Variants in RNGTT observed in about 807,000 individuals in gnomAD.
RNGTT encodes the protein RNA guanylyltransferase and 5'-phosphatase, also known as mRNA-capping enzyme.
A neutral mutation model predicts 79.3 loss-of-function variants in RNGTT; 33 were observed. The ratio of observed to expected loss-of-function variants is 0.42; its 90% CI spans 0.32 to 0.56. The LOEUF is 0.56. RNGTT is among the 20% of genes least tolerant of loss of function. RNGTT has a pLI of 0.17. For synonymous variants in RNGTT, 222 were observed against 235.9 expected (o/e 0.94, Z 0.54); for missense variants, 497 against 739.1 (o/e 0.67, Z 3.80).
chr6:88,769,451 C>G (rs756066002), intron 13 of RNGTT, among the ~76,000 whole-genome samples: 1 of 151,964 alleles, frequency 6.6e-6, no homozygotes, highest in South Asian at 2.1e-4. Flanking sequence ...TGAGCCACCA[C>G]GCCCAGCCAA....
intron 12 of RNGTT, among the ~76,000 whole-genome samples, chr6:88,801,356 G>A (rs566786594): frequency 6.6e-6 from 1 of 152,222 alleles, no homozygotes; most frequent in Non-Finnish European, 1.5e-5. Flanking sequence ...ACAGATGGGT[G>A]CTCATTTTAG....
At chr6:88,764,383 C>T (rs905150022) in intron 13 of RNGTT, among the ~76,000 whole-genome samples, 1 of 152,134 alleles carries the variant, frequency 6.6e-6, no homozygotes, top group African/African-American at 2.4e-5. Context: ...CTGAGTTCAA[C>T]CTCAAAGCTC....
intron 8 of RNGTT, among the ~76,000 whole-genome samples, chr6:88,884,725 C>T (rs968813640): frequency 6.6e-6 from 1 of 151,212 alleles, no homozygotes; most frequent in Admixed American, 6.6e-5. Context: ...CAAATGAAAA[C>T]TATCTACACT....
intron 14 of RNGTT, among the ~76,000 whole-genome samples, chr6:88,662,504 C>T (rs1022639843): frequency 7.9e-5 from 12 of 152,220 alleles, no homozygotes; most frequent in Admixed American, 2.0e-4. Context: ...TCATGAGATG[C>T]GAGTCTACCA....
chr6:88,760,338 C>A (rs1405364479), intron 13 of RNGTT, among the ~76,000 whole-genome samples: 1 of 152,146 alleles, frequency 6.6e-6, no homozygotes, highest in Non-Finnish European at 1.5e-5. Context: ...GGCAAAGGAA[C>A]TGAAAAGAGT....
At chr6:88,711,198 G>C (rs1413830981) in intron 13 of RNGTT, among the ~76,000 whole-genome samples, 1 of 152,056 alleles carries the variant, frequency 6.6e-6, no homozygotes, top group Non-Finnish European at 1.5e-5. Context: ...TTTCAATAAT[G>C]ATCTGTCAAC....
chr6:88,639,866 C>A (rs866380958), intron 14 of RNGTT, among the ~76,000 whole-genome samples: 6 of 152,262 alleles, frequency 3.9e-5, no homozygotes, highest in Admixed American at 6.5e-5. Context: ...TTTATCTCTA[C>A]AAATGAGGAA....
intron 13 of RNGTT, among the ~76,000 whole-genome samples, chr6:88,735,882 C>A (rs1777269092): frequency 6.6e-6 from 1 of 151,892 alleles, no homozygotes; most frequent in Non-Finnish European, 1.5e-5. Context: ...ATCAATAAAA[C>A]CAAAGCCTTG....
chr6:88,802,703 A>G (rs980525487), intron 11 of RNGTT, among the ~76,000 whole-genome samples: 1 of 152,222 alleles, frequency 6.6e-6, no homozygotes, highest in African/African-American at 2.4e-5. Flanking sequence ...GCATGGTCTT[A>G]CATGGCAGCA....
At chr6:88,650,987 T>C (rs1773774082) in intron 14 of RNGTT, among the ~76,000 whole-genome samples, 1 of 152,100 alleles carries the variant, frequency 6.6e-6, no homozygotes, top group Admixed American at 6.5e-5. Flanking sequence ...TTATTCCCAA[T>C]GCAAGAATTC....
chr6:88,899,740 C>T (rs992521341), intron 6 of RNGTT, among the ~76,000 whole-genome samples: 1 of 152,172 alleles, frequency 6.6e-6, no homozygotes, highest in Non-Finnish European at 1.5e-5. Flanking sequence ...ACAGCTTTTC[C>T]TTTCTAGTAC....
At chr6:88,881,623 G>A (rs1490986207) in intron 8 of RNGTT, among the ~76,000 whole-genome samples, 2 of 152,240 alleles carry the variant, frequency 1.3e-5, no homozygotes, top group East Asian at 3.9e-4. Flanking sequence ...GAGACAGACA[G>A]GCAGGCAGGC....
chr6:88,678,950 ACT>A (rs1395494733), intron 13 of RNGTT, among the ~76,000 whole-genome samples: 1 of 152,094 alleles, frequency 6.6e-6, no homozygotes, highest in Admixed American at 6.5e-5. Context: ...TAAAAGTTAC[ACT>A]GAGTGTGCCT....
intron 8 of RNGTT, among the ~76,000 whole-genome samples, chr6:88,858,044 AC>A (rs1781894867): frequency 6.6e-6 from 1 of 152,168 alleles, no homozygotes; most frequent in African/African-American, 2.4e-5. Flanking sequence ...TCTTTGTACC[AC>A]AGTGGCTTCA....
At chr6:88,904,233 C>A (rs947513826) in intron 6 of RNGTT, among the ~76,000 whole-genome samples, 15 of 151,894 alleles carry the variant, frequency 9.9e-5, no homozygotes, top group African/African-American at 3.6e-4. Context: ...GAAAAATTTA[C>A]GTAACTGCAA....
chr6:88,901,495 C>G (rs932107021), intron 6 of RNGTT, among the ~76,000 whole-genome samples: 128 of 65,814 alleles, frequency 1.9e-3, no homozygotes, highest in African/African-American at 8.6e-3. Flanking sequence ...GCACCCTGAT[C>G]TTTTTTTTTT....
At chr6:88,951,566 C>G (rs1170943145) in intron 1 of RNGTT, among the ~76,000 whole-genome samples, 1 of 152,176 alleles carries the variant, frequency 6.6e-6, no homozygotes, top group Non-Finnish European at 1.5e-5. Context: ...GTAAATTCCA[C>G]GAGACAGGCG....
rs1004548348 is a variant in RNGTT, at chr6:88,957,980, C to T, written c.64+5366G>A. ...TCACATTACCCAACTTCAAATTATA[C>T]TACAAGACTATAGTAACCAAAACAG... On this transcript the variant is annotated intron_variant, in intron 1 of 15. Coordinates refer to ENST00000369485, the MANE Select transcript of RNGTT (RefSeq NM_003800.5). 1.3e-5 allele frequency among the ~76,000 whole-genome samples: 2 copies of T among 152,150 alleles called. 1 individual carries two copies. Among genetic ancestry groups the T allele is most frequent in the South Asian group, 4.1e-4 (2 of 4,828 alleles).
At chr6:88,769,357 G>A (rs1018579065) in intron 13 of RNGTT, among the ~76,000 whole-genome samples, 5 of 151,882 alleles carry the variant, frequency 3.3e-5, no homozygotes, top group Non-Finnish European at 7.4e-5. Flanking sequence ...GGGGGGTTTC[G>A]TCATGTTGCC....
Sources: allele counts gnomAD v4.1 joint callset (sites outside exome capture counted in the v4.1 genomes callset), GRCh38; gene constraint gnomAD v4.1.1; transcripts MANE v1.5; gene names NCBI Gene and HGNC (gene_info 2026-07-23, HGNC 2026-07-21).